CAST: variants seen among roughly 807,000 people sequenced by gnomAD.
CAST encodes calpastatin, also known as MIR583 host.
A neutral mutation model predicts 119.6 loss-of-function variants in CAST; 76 were observed. That is an observed-to-expected ratio of 0.64 (90% confidence interval 0.53 to 0.77). The LOEUF is 0.77. Among genes scored for constraint, CAST ranks in the 30% least tolerant of loss-of-function variants. CAST has a pLI of 0.00. For missense variants in CAST, 953 were observed against 946.5 expected (o/e 1.01, Z -0.09); for synonymous variants, 319 against 331.6 (o/e 0.96, Z 0.41).
At chr5:95,978,664 T>G in the CAST span, among the ~76,000 whole-genome samples, 1 of 152,182 alleles carries the variant, frequency 6.6e-6, no homozygotes, top group Admixed American at 6.5e-5. Flanking sequence ...ATCCTATTTG[T>G]CAATTTTTGC....
At chr5:96,485,781 C>A in the CAST span, among the ~76,000 whole-genome samples, 1 of 152,186 alleles carries the variant, frequency 6.6e-6, no homozygotes, top group Non-Finnish European at 1.5e-5. Context: ...TTCAGCTTCA[C>A]CCCAGTCAAA....
chr5:96,022,459 C>T, the CAST span, among the ~76,000 whole-genome samples: 19 of 152,062 alleles, frequency 1.2e-4, no homozygotes, highest in Admixed American at 1.2e-3. Context: ...CAGTGATCTA[C>T]CAGGTGTGCA....
chr5:96,287,789 T>A, the CAST span, among the ~76,000 whole-genome samples: 2 of 152,054 alleles, frequency 1.3e-5, no homozygotes, highest in Non-Finnish European at 2.9e-5. Context: ...TTTGCATGAT[T>A]TATGTTTAAA....
At chr5:96,186,828 T>C in the CAST span, among the ~76,000 whole-genome samples, 880 of 152,314 alleles carry the variant, frequency 5.8e-3, 10 homozygotes, top group African/African-American at 0.019. Flanking sequence ...GTTGTATCTC[T>C]GCCACGTTTT....
chr5:96,322,989 T>C, the CAST span, among the ~76,000 whole-genome samples: 4 of 152,190 alleles, frequency 2.6e-5, no homozygotes, highest in Admixed American at 2.6e-4. Context: ...TTTTGTTTTG[T>C]TCTGGGTGAG....
intron 1 of CAST, among the ~76,000 whole-genome samples, chr5:96,570,125 T>C (rs781129745): frequency 1.3e-4 from 20 of 152,254 alleles, no homozygotes; most frequent in Admixed American, 3.9e-4. Context: ...ACCACAAGTT[T>C]ATGAACTTGT....
At chr5:96,677,942 T>C (rs1266103877) in intron 2 of CAST, among the ~76,000 whole-genome samples, 1 of 152,158 alleles carries the variant, frequency 6.6e-6, no homozygotes, top group Non-Finnish European at 1.5e-5. Flanking sequence ...ATTTCCAAAA[T>C]GGTCTGTCTC....
the CAST span, among the ~76,000 whole-genome samples, chr5:96,452,193 G>T: frequency 1.1e-4 from 16 of 152,212 alleles, no homozygotes; most frequent in South Asian, 1.7e-3. Flanking sequence ...TATGTACATG[G>T]ATGTTTACTG....
the CAST span, among the ~76,000 whole-genome samples, chr5:96,171,626 G>T: frequency 6.6e-6 from 1 of 152,206 alleles, no homozygotes; most frequent in East Asian, 1.9e-4. Context: ...CGTGACCAGC[G>T]CCAGAGTTTT....
At chr5:96,090,438 C>T in the CAST span, among the ~76,000 whole-genome samples, 1 of 151,524 alleles carries the variant, frequency 6.6e-6, no homozygotes, top group Non-Finnish European at 1.5e-5. Context: ...GCATCCTCCC[C>T]AGAGCTCCCC....
At chr5:96,576,132 A>G (rs1465971626) in intron 1 of CAST, among the ~76,000 whole-genome samples, 1 of 151,996 alleles carries the variant, frequency 6.6e-6, no homozygotes, top group Non-Finnish European at 1.5e-5. Flanking sequence ...TGTTGAGGAA[A>G]TTTTTGTCTA....
At chr5:96,222,820 A>T in the CAST span, among the ~76,000 whole-genome samples, 2 of 152,188 alleles carry the variant, frequency 1.3e-5, no homozygotes, top group African/African-American at 4.8e-5. Flanking sequence ...CCCTATGTTT[A>T]TTGCAGCACC....
chr5:96,191,999 A>G, the CAST span, among the ~76,000 whole-genome samples: 1 of 152,228 alleles, frequency 6.6e-6, no homozygotes, highest in South Asian at 2.1e-4. Context: ...CAATGGAACA[A>G]AAAATGGGAA....
chr5:96,069,263 A>G, the CAST span, among the ~76,000 whole-genome samples: 1 of 152,014 alleles, frequency 6.6e-6, no homozygotes, highest in Non-Finnish European at 1.5e-5. Flanking sequence ...TTACACATAT[A>G]TACACAAATA....
At chr5:96,561,070 G>T (rs1746347340) in intron 1 of CAST, among the ~76,000 whole-genome samples, 1 of 152,102 alleles carries the variant, frequency 6.6e-6, no homozygotes, top group Non-Finnish European at 1.5e-5. Flanking sequence ...GATGAAGCTG[G>T]AAAGCATCAT....
At chr5:96,150,317 G>C in the CAST span, among the ~76,000 whole-genome samples, 1 of 152,170 alleles carries the variant, frequency 6.6e-6, no homozygotes, top group Non-Finnish European at 1.5e-5. Flanking sequence ...TACCTCCAGG[G>C]CTCCAGGGTT....
the CAST span, among the ~76,000 whole-genome samples, chr5:96,051,081 ATGTATAGTTATCC>A: frequency 6.6e-6 from 1 of 152,176 alleles, no homozygotes; most frequent in African/African-American, 2.4e-5. Context: ...TTGCAAGACA[ATGTATAGTTATCC>A]TGTTTTTCCT....
At chr5:96,130,260 G>C in the CAST span, among the ~76,000 whole-genome samples, 27 of 151,636 alleles carry the variant, frequency 1.8e-4, no homozygotes, top group Non-Finnish European at 3.4e-4. Context: ...TCCAATATGT[G>C]AAAAAAATCA....
the CAST span, among the ~76,000 whole-genome samples, chr5:96,003,187 C>T: frequency 6.6e-6 from 1 of 152,006 alleles, no homozygotes; most frequent in Admixed American, 6.6e-5. Flanking sequence ...CTGCAGTGAG[C>T]CATGATCACA....
Sources: allele counts gnomAD v4.1 joint callset (sites outside exome capture counted in the v4.1 genomes callset), GRCh38; gene constraint gnomAD v4.1.1; transcripts MANE v1.5; gene names NCBI Gene and HGNC (gene_info 2026-07-23, HGNC 2026-07-21).